TENM3: variants seen among roughly 807,000 people sequenced by gnomAD.
TENM3 encodes teneurin transmembrane protein 3, also known as teneurin-3.
A neutral mutation model predicts 255.1 loss-of-function variants in TENM3; 63 were observed. The ratio of observed to expected loss-of-function variants is 0.25; its 90% CI spans 0.20 to 0.30. The LOEUF is 0.30. Among genes scored for constraint, TENM3 ranks in the 10% least tolerant of loss-of-function variants. The pLI is 1.00. For synonymous variants in TENM3, 1,306 were observed against 1,322.3 expected, an observed-to-expected ratio of 0.99 and a Z score of 0.27; for missense variants, 2,929 against 3,461.1, an observed-to-expected ratio of 0.85 and a Z score of 3.86.
chr4:181,629,822 G>C, the TENM3 span, among the ~76,000 whole-genome samples: 2 of 152,146 alleles, frequency 1.3e-5, no homozygotes, highest in Admixed American at 1.3e-4. Flanking sequence ...TCCCTGCAAG[G>C]CTTTGCTATC....
chr4:181,663,225 C>T, the TENM3 span, among the ~76,000 whole-genome samples: 88 of 152,266 alleles, frequency 5.8e-4, no homozygotes, highest in African/African-American at 2.1e-3. Flanking sequence ...TGGAACTCTT[C>T]CTTTTCCTGT....
At chr4:182,153,862 G>A (rs912991139) in intron 1 of TENM3, among the ~76,000 whole-genome samples, 18 of 152,202 alleles carry the variant, frequency 1.2e-4, no homozygotes, top group Admixed American at 3.3e-4. Context: ...GATGTAAGAC[G>A]TGTGGATTGG....
the TENM3 span, among the ~76,000 whole-genome samples, chr4:181,712,763 T>C: frequency 6.6e-6 from 1 of 152,216 alleles, no homozygotes; most frequent in African/African-American, 2.4e-5. Flanking sequence ...AATAAATATC[T>C]GATATTTTAA....
At chr4:181,693,914 A>G in the TENM3 span, among the ~76,000 whole-genome samples, 1 of 152,166 alleles carries the variant, frequency 6.6e-6, no homozygotes, top group Admixed American at 6.6e-5. Context: ...CTCTTTTCAG[A>G]ATACAGATCT....
chr4:182,237,301 G>T (rs185076813), intron 1 of TENM3, among the ~76,000 whole-genome samples: 2 of 152,038 alleles, frequency 1.3e-5, no homozygotes, highest in Non-Finnish European at 2.9e-5. Flanking sequence ...GAATAGTGCT[G>T]CAGTAAACAT....
At chr4:181,503,154 C>T in the TENM3 span, among the ~76,000 whole-genome samples, 2 of 152,126 alleles carry the variant, frequency 1.3e-5, no homozygotes, top group African/African-American at 4.8e-5. Flanking sequence ...ACCTTGAGGC[C>T]GGGAGTTTGA....
intron 1 of TENM3, among the ~76,000 whole-genome samples, chr4:182,197,217 C>A (rs1022807088): frequency 6.6e-6 from 1 of 152,206 alleles, no homozygotes; most frequent in African/African-American, 2.4e-5. Flanking sequence ...CAGTGTTTAA[C>A]ATTGGTTAGC....
At chr4:181,931,830 T>A in the TENM3 span, among the ~76,000 whole-genome samples, 1 of 152,178 alleles carries the variant, frequency 6.6e-6, no homozygotes, top group South Asian at 2.1e-4. Flanking sequence ...TATAGATCAA[T>A]GGAACAGAAC....
In TENM3 at chr4:182,680,368, T is replaced by C; in HGVS notation, c.1639+19T>C. The C allele has an allele frequency of 6.5e-7, 1 of 1,543,876 alleles. No homozygotes were observed. Among genetic ancestry groups the C allele is most frequent in the Non-Finnish European group, 8.9e-7 (1 of 1,127,530 alleles). ...TCAAGAGGTATGCAAGTTAGATTCT[T>C]CTCTTAAGCCGATATAAATAAGCTG... On this transcript the variant is annotated intron_variant, in intron 9 of 27. Transcript: ENST00000511685.
intron 13 of TENM3, among the ~76,000 whole-genome samples, chr4:182,720,666 C>CTAG (rs1423774270): frequency 6.6e-6 from 1 of 151,980 alleles, no homozygotes; most frequent in Non-Finnish European, 1.5e-5. Context: ...TAGCTTCCTG[C>CTAG]TAGGACTCAA....
intron 1 of TENM3, among the ~76,000 whole-genome samples, chr4:182,182,085 G>A (rs769717689): frequency 2.0e-4 from 31 of 152,194 alleles, no homozygotes; most frequent in Non-Finnish European, 4.1e-4. Flanking sequence ...AATTGTTGCT[G>A]ATGGAAAACA....
At chr4:182,006,358 G>A in the TENM3 span, among the ~76,000 whole-genome samples, 1 of 152,102 alleles carries the variant, frequency 6.6e-6, no homozygotes, top group East Asian at 1.9e-4. Flanking sequence ...GTCTGGTCCT[G>A]GGCTTTTTTG....
chr4:181,813,821 G>A, the TENM3 span, among the ~76,000 whole-genome samples: 2 of 152,150 alleles, frequency 1.3e-5, no homozygotes, highest in Non-Finnish European at 2.9e-5. Flanking sequence ...AAGGGAAGTA[G>A]TCAGCATCTT....
intron 3 of TENM3, among the ~76,000 whole-genome samples, chr4:182,513,813 C>T (rs966743740): frequency 6.6e-6 from 1 of 152,164 alleles, no homozygotes; most frequent in African/African-American, 2.4e-5. Context: ...CAACCCAGAG[C>T]GCACACCTCA....
At chr4:182,348,391 A>C (rs1255753267) in intron 3 of TENM3, among the ~76,000 whole-genome samples, 1 of 152,196 alleles carries the variant, frequency 6.6e-6, no homozygotes. Flanking sequence ...ATTTGGAATA[A>C]ATATTGCTTC....
intron 18 of TENM3, among the ~76,000 whole-genome samples, chr4:182,742,254 A>G (rs1761663359): frequency 6.6e-6 from 1 of 152,214 alleles, no homozygotes. Flanking sequence ...TAACCATGAA[A>G]ATATTTAATA....
At chr4:181,699,412 C>T in the TENM3 span, among the ~76,000 whole-genome samples, 1 of 122,396 alleles carries the variant, frequency 8.2e-6, no homozygotes, top group Non-Finnish European at 1.6e-5. Flanking sequence ...CACTGCACTC[C>T]AGCCTGGGCT....
At chr4:182,010,219 T>C in the TENM3 span, among the ~76,000 whole-genome samples, 2 of 152,230 alleles carry the variant, frequency 1.3e-5, no homozygotes, top group Non-Finnish European at 2.9e-5. Flanking sequence ...AGCATTACTT[T>C]GTTCTTCTCT....
At chr4:182,087,309 G>C in the TENM3 span, among the ~76,000 whole-genome samples, 3 of 152,196 alleles carry the variant, frequency 2.0e-5, no homozygotes, top group South Asian at 6.2e-4. Context: ...TTCAGGGTTA[G>C]TGTGGGCCAA....
Sources: allele counts gnomAD v4.1 joint callset (sites outside exome capture counted in the v4.1 genomes callset), GRCh38; gene constraint gnomAD v4.1.1; transcripts MANE v1.5; gene names NCBI Gene and HGNC (gene_info 2026-07-23, HGNC 2026-07-21).